The following PLXNB2 variants were observed in gnomAD, a reference collection of about 807,000 sequenced individuals.
The protein encoded by PLXNB2 is plexin B2, also known as plexin-B2.
Under a neutral mutation model 202.6 loss-of-function variants are expected in PLXNB2, and 85 were observed. The ratio of observed to expected loss-of-function variants is 0.42; its 90% CI spans 0.35 to 0.50. The LOEUF (loss-of-function observed/expected upper bound fraction) is 0.50, where lower values mean the gene tolerates loss of function less well. Ranked by LOEUF, PLXNB2 falls within the 20% of genes least tolerant of loss-of-function variation. The pLI is 0.02. For missense variants in PLXNB2, 2,063 were observed against 2,586.2 expected (o/e 0.80, Z 4.39); for synonymous variants, 1,239 against 1,137.6 (o/e 1.09, Z -1.79).
intron 1 of PLXNB2, among the ~76,000 whole-genome samples, chr22:50,306,872 G>A (rs887447366): frequency 1.3e-4 from 20 of 152,254 alleles, no homozygotes; most frequent in Non-Finnish European, 2.8e-4. Flanking sequence ...AGATGACAGG[G>A]GGAGGCGGGC....
chr22:50,276,350 G>C (rs1428157789), intron 35 of PLXNB2, among the ~76,000 whole-genome samples: 1 of 113,848 alleles, frequency 8.8e-6, no homozygotes. Context: ...GGGCACGGCC[G>C]AGGGTGCAGC....
At chr22:50,304,246 G>A (rs972927255) in intron 1 of PLXNB2, among the ~76,000 whole-genome samples, 5 of 152,180 alleles carry the variant, frequency 3.3e-5, no homozygotes, top group African/African-American at 4.8e-5. Context: ...CACCATCCCC[G>A]GCACCACTGG....
intron 1 of PLXNB2, among the ~76,000 whole-genome samples, chr22:50,305,027 G>A (rs2067836498): frequency 6.6e-6 from 1 of 152,224 alleles, no homozygotes; most frequent in African/African-American, 2.4e-5. Context: ...CCAGCTCAGG[G>A]GAAGGCAGCC....
chr22:50,294,384 C>G (rs2067110711), intron 2 of PLXNB2, among the ~76,000 whole-genome samples: 1 of 152,006 alleles, frequency 6.6e-6, no homozygotes, highest in South Asian at 2.1e-4. Context: ...GCACAGGCAC[C>G]CCCCCACCAC....
chr22:50,306,336 A>G (rs1301519358), intron 1 of PLXNB2, among the ~76,000 whole-genome samples: 2 of 152,166 alleles, frequency 1.3e-5, no homozygotes, highest in South Asian at 2.1e-4. Context: ...ATTTCTATGC[A>G]ACATGCAAAA....
chr22:50,299,831 C>T (rs1002791301), intron 1 of PLXNB2, among the ~76,000 whole-genome samples: 15 of 152,164 alleles, frequency 9.9e-5, no homozygotes, highest in Admixed American at 2.0e-4. Flanking sequence ...GCCCGGTACC[C>T]GGCCAGAGCC....
intron 1 of PLXNB2, among the ~76,000 whole-genome samples, chr22:50,298,053 G>C (rs2067400489): frequency 1.3e-5 from 2 of 152,032 alleles, no homozygotes; most frequent in African/African-American, 4.8e-5. Context: ...GGTCTTCCCC[G>C]ACAGGCCCCG....
At position 50,284,263 on chromosome 22, in the gene PLXNB2, G is replaced by A. The variant is rs750251626; in HGVS notation, c.2182-50C>T. 4.5e-5 allele frequency: 69 copies of A among 1,523,840 alleles called. No homozygotes were observed. The highest frequency in any genetic ancestry group is 1.7e-4 in the Middle Eastern group (1 of 5,902). The allele number at this position is 1,523,840 out of a possible 1,614,324, so 94.4% of individuals were successfully genotyped here. A position where few individuals can be genotyped will look rare whatever the true frequency, so the allele number is the denominator to read the frequency against. On this transcript the variant is annotated intron_variant, in intron 12 of 36. Transcript: ENST00000359337. The surrounding 1 kb of genome is among the most constrained non-coding windows in gnomAD (Gnocchi z 8.0). ...GCACTTCCTGCCCCCACAGAGGGGC[G>A]TGGGGCGGGGGTCACAAGGGCAGCC... is the stretch of plus-strand genomic sequence containing the variant.
chr22:50,276,385 C>T (rs1378739032), intron 35 of PLXNB2, among the ~76,000 whole-genome samples: 1 of 148,936 alleles, frequency 6.7e-6, no homozygotes, highest in African/African-American at 2.5e-5. Flanking sequence ...GCTGTGGGCA[C>T]GGCCGTGGGT....
intron 8 of PLXNB2, among the ~76,000 whole-genome samples, chr22:50,286,824 G>A (rs1284521357): frequency 2.0e-5 from 3 of 152,308 alleles, no homozygotes; most frequent in Non-Finnish European, 2.9e-5. Flanking sequence ...GGGGCCTGGC[G>A]CCTGGCACCC....
intron 1 of PLXNB2, among the ~76,000 whole-genome samples, chr22:50,302,152 G>A (rs540818038): frequency 7.9e-5 from 12 of 152,298 alleles, no homozygotes; most frequent in Admixed American, 2.6e-4. Flanking sequence ...AGGGGAGAGG[G>A]GCTGCGTCTG....
At chr22:50,281,052 G>C in intron 23 of PLXNB2, 37 bp downstream of exon 23, 1 of 1,604,062 alleles carries the variant, frequency 6.2e-7, no homozygotes, top group Non-Finnish European at 8.5e-7. Flanking sequence ...CCCCGCCCCA[G>C]GAGGCGCCCC....
rs1601662295 is a variant in PLXNB2 at position 50,275,582 on chromosome 22, C to T, written c.*122G>A. 29 of 696,196 alleles carry T rather than the reference C, an allele frequency of 4.2e-5. No individual in the cohort carries two copies. The highest frequency in any genetic ancestry group is 3.0e-4 in the East Asian group (11 of 36,858). The allele number at this position is 696,196 out of a possible 1,614,324, so 43.1% of individuals were successfully genotyped here. The stretch of plus-strand genomic sequence containing the variant: ...GGGCGGGTTCCGGCTGCACCCACTC[C>T]GGCTTGGGGCGCGTTCCAGGGGAGG... On this transcript the variant is annotated 3_prime_UTR_variant, in exon 37 of 37. Transcript: ENST00000359337.
intron 1 of PLXNB2, among the ~76,000 whole-genome samples, chr22:50,302,913 C>T (rs2067761936): frequency 6.6e-6 from 1 of 152,176 alleles, no homozygotes; most frequent in South Asian, 2.1e-4. Flanking sequence ...CCAAAGCAGG[C>T]CCCAGCTCTG....
chr22:50,286,449 T>C (rs547111667), intron 8 of PLXNB2, among the ~76,000 whole-genome samples, 162 bp from the exon 9 acceptor site: 1 of 152,156 alleles, frequency 6.6e-6, no homozygotes, highest in African/African-American at 2.4e-5. Flanking sequence ...GCCTGCCACC[T>C]GCTATCAGAT....
chr22:50,279,598 C>A (rs769630106), intron 27 of PLXNB2, 32 bp downstream of exon 27: 2 of 1,608,040 alleles, frequency 1.2e-6, no homozygotes, highest in Non-Finnish European at 1.7e-6. Flanking sequence ...AGATCCGAGG[C>A]GCCCATGGCG....
At position 50,288,147 on chromosome 22, in the gene PLXNB2, G is replaced by A. The variant is rs1024332665; in HGVS notation, c.1381-110C>T. On this transcript the variant is annotated intron_variant, in intron 5 of 36. Coordinates refer to ENST00000359337, the MANE Select transcript of PLXNB2 (RefSeq NM_012401.4). This position sits in a 1 kb window ranked among gnomAD's most constrained non-coding sequence, Gnocchi z 5.0. ...TGACCCAGCTCTGTCCCGGGGCCTC[G>A]GGAGCCTCAGACACCTCAGGCTTGA... 4.6e-5 allele frequency: 36 copies of A among 782,754 alleles called. No individual in the cohort carries two copies. In the South Asian group the frequency reaches 5.0e-4, roughly 11 times the overall value. 48.5% of individuals were successfully genotyped at this position (782,754 alleles called of 1,614,324 possible).
In PLXNB2 at chr22:50,289,199, C is replaced by T. The variant is rs2147519072; in HGVS notation, c.1069-57G>A. ...ACCCCCTGTCCTGAAGGGCCCTCTC[C>T]ACTCGCGCTCCAAGACTCGGGACAG... On this transcript the variant is annotated intron_variant, in intron 3 of 36. Transcript: ENST00000359337. The surrounding 1 kb of genome is among the most constrained non-coding windows in gnomAD (Gnocchi z 8.0). The T allele has an allele frequency of 2.1e-6, 3 of 1,421,604 alleles. No homozygotes were observed. The highest frequency in any genetic ancestry group is 4.9e-5 in the East Asian group (2 of 40,508). 88.1% of individuals were successfully genotyped at this position (1,421,604 alleles called of 1,614,324 possible).
intron 24 of PLXNB2, 30 bp downstream of exon 24, chr22:50,280,714 G>GCCCCCCCCCCCCCCC: frequency 6.5e-7 from 1 of 1,528,952 alleles, no homozygotes; most frequent in Non-Finnish European, 8.9e-7. Flanking sequence ...CCACCTGTGT[G>GCCCCCCCCCCCCCCC]CCCTCCCGCC....
Sources: allele counts gnomAD v4.1 joint callset (sites outside exome capture counted in the v4.1 genomes callset), GRCh38; gene constraint gnomAD v4.1.1; non-coding constraint Gnocchi (gnomAD v3.1); transcripts MANE v1.5; gene names NCBI Gene and HGNC (gene_info 2026-07-23, HGNC 2026-07-21).